Variants in FAM131B observed in about 807,000 individuals in gnomAD.
FAM131B encodes protein FAM131B.
A neutral mutation model predicts 42.0 loss-of-function variants in FAM131B; 19 were observed. The observed-to-expected ratio is 0.45, with a 90% confidence interval of 0.32 to 0.66. The LOEUF (loss-of-function observed/expected upper bound fraction) is 0.66, where lower values mean the gene tolerates loss of function less well. FAM131B is among the 30% of genes least tolerant of loss of function. The pLI is 0.05. For synonymous variants in FAM131B, 183 were observed against 177.6 expected (o/e 1.03, Z -0.24); for missense variants, 370 against 468.4 (o/e 0.79, Z 1.94).
chr7:143,375,956 G>A, the FAM131B span, among the ~76,000 whole-genome samples: 14 of 152,082 alleles, frequency 9.2e-5, no homozygotes, highest in Non-Finnish European at 1.6e-4. Context: ...CTGACTCCTC[G>A]CCATCTGACC....
the FAM131B span, among the ~76,000 whole-genome samples, chr7:143,370,850 T>A: frequency 6.6e-6 from 1 of 152,188 alleles, no homozygotes; most frequent in Non-Finnish European, 1.5e-5. Flanking sequence ...TTCCTTCTTG[T>A]GCGAGATCCA....
chr7:143,363,438 G>A (rs1291767925), upstream of FAM131B, among the ~76,000 whole-genome samples: 1 of 152,182 alleles, frequency 6.6e-6, no homozygotes, highest in Admixed American at 6.5e-5. Context: ...CTGGCTAGGA[G>A]ACATCGTCTT....
rs977551105 is a variant in FAM131B, at chr7:143,359,888, G to A, written c.139-121C>T. 24 of 1,060,254 alleles carry A rather than the reference G, an allele frequency of 2.3e-5. No individual in the cohort carries two copies. Among genetic ancestry groups the A allele is most frequent in the Non-Finnish European group, 3.1e-5 (22 of 704,076 alleles). 65.7% of individuals were successfully genotyped at this position (1,060,254 alleles called of 1,614,324 possible). ...TGGGGAGGGCTTTCCTGAGGTTGAT[G>A]CCGCTAACTGGGTTCTCCATGTGGA... On this transcript the variant is annotated intron_variant, in intron 2 of 6. Transcript: ENST00000443739. This position sits in a 1 kb window ranked among gnomAD's most constrained non-coding sequence, Gnocchi z 5.4.
chr7:143,364,948 T>C (rs1465571242), upstream of FAM131B, among the ~76,000 whole-genome samples: 1 of 152,178 alleles, frequency 6.6e-6, no homozygotes, highest in Non-Finnish European at 1.5e-5. Flanking sequence ...CCAGGAATAA[T>C]TGTAGGTACT....
the FAM131B span, chr7:143,380,064 G>A: frequency 2.0e-6 from 2 of 985,202 alleles, no homozygotes; most frequent in Non-Finnish European, 2.4e-6. The surrounding 1 kb of genome is among the most constrained non-coding windows in gnomAD (Gnocchi z 5.0). Flanking sequence ...TGGAGGGACT[G>A]GACACTCAGT....
chr7:143,358,430 G>A lies in FAM131B; in HGVS notation c.466+397C>T, dbSNP rs989652035. Among the ~76,000 whole-genome samples the A allele has an allele frequency of 2.0e-5, 3 of 152,162 alleles. No homozygotes were observed. The highest frequency in any genetic ancestry group is 2.9e-5 in the Non-Finnish European group (2 of 68,050). ...TTCTAGTGGTTGTCACAAGTAATGA[G>A]TCTAGTAGGCAAATTCATGACTCGA... On this transcript the variant is annotated intron_variant, in intron 5 of 6. Transcript: ENST00000443739. The surrounding 1 kb of genome is among the most constrained non-coding windows in gnomAD (Gnocchi z 4.7).
chr7:143,372,288 A>G, the FAM131B span, among the ~76,000 whole-genome samples: 18 of 152,358 alleles, frequency 1.2e-4, 1 homozygote, highest in Admixed American at 1.2e-3. Flanking sequence ...GGTTTTGCCA[A>G]GTGAGCACCA....
the FAM131B span, among the ~76,000 whole-genome samples, chr7:143,373,836 C>A: frequency 6.6e-6 from 1 of 152,094 alleles, no homozygotes; most frequent in African/African-American, 2.4e-5. Flanking sequence ...GGTCTCCAGG[C>A]GAGCAACTGT....
chr7:143,371,682 G>T, the FAM131B span, among the ~76,000 whole-genome samples: 4 of 151,874 alleles, frequency 2.6e-5, no homozygotes, highest in East Asian at 7.8e-4. Flanking sequence ...GAAAGGGCTG[G>T]TATATGTCAT....
At chr7:143,360,269 T>C in intron 1 of FAM131B, 120 bp from the exon 2 acceptor site, 1 of 1,492,244 alleles carries the variant, frequency 6.7e-7, no homozygotes, top group Non-Finnish European at 8.9e-7. Flanking sequence ...CTTATATCCC[T>C]GCACTCTCCA....
At chr7:143,372,412 G>A in the FAM131B span, among the ~76,000 whole-genome samples, 2 of 152,204 alleles carry the variant, frequency 1.3e-5, no homozygotes, top group Non-Finnish European at 2.9e-5. Context: ...GTGGGCCAAG[G>A]GATTGTCGAA....
chr7:143,371,147 C>T, the FAM131B span, among the ~76,000 whole-genome samples: 1 of 152,078 alleles, frequency 6.6e-6, no homozygotes, highest in African/African-American at 2.4e-5. Context: ...TATGTCAGTA[C>T]CTCTCTAGGT....
At chr7:143,381,825 G>T in the FAM131B span, 25 of 1,464,662 alleles carry the variant, frequency 1.7e-5, no homozygotes, top group South Asian at 2.7e-5. Flanking sequence ...GAGCCGGGGT[G>T]GGGGGCAGTC....
chr7:143,356,959 C>G lies in FAM131B; in HGVS notation c.674G>C (p.Cys225Ser). 6.2e-7 allele frequency: 1 copy of G among 1,614,048 alleles called. No individual in the cohort carries two copies. The highest frequency in any genetic ancestry group is 8.5e-7 in the Non-Finnish European group (1 of 1,180,014). ...TTCCCAGGCATCTGACGACCCCAGA[C>G]AGTACATACCCTGGGACACGTAAGA... ...PHSYVSQGMYCLGSSDAWEAS... is the reference protein window; with the variant it reads ...PHSYVSQGMYSLGSSDAWEAS... The change falls in exon 7 of 7, where the codon TGT becomes TCT. Residue 225 changes from cysteine (C) to serine (S), a missense_variant. By Grantham distance (112) the Cys-to-Ser change is moderately radical. Coordinates refer to ENST00000443739, the MANE Select transcript of FAM131B (RefSeq NM_001031690.3). The surrounding 1 kb of genome is among the most constrained non-coding windows in gnomAD (Gnocchi z 4.4).
the FAM131B span, among the ~76,000 whole-genome samples, chr7:143,371,700 T>A: frequency 6.6e-6 from 1 of 150,804 alleles, no homozygotes; most frequent in Non-Finnish European, 1.5e-5. Context: ...CATTCTAAAC[T>A]GGATGGTCAT....
At chr7:143,380,575 G>T in the FAM131B span, 12 of 985,262 alleles carry the variant, frequency 1.2e-5, no homozygotes, top group Non-Finnish European at 1.4e-5. This position sits in a 1 kb window ranked among gnomAD's most constrained non-coding sequence, Gnocchi z 5.0. Flanking sequence ...CTCCATTCCC[G>T]GCCCCGCGGA....
chr7:143,375,758 G>A, the FAM131B span, among the ~76,000 whole-genome samples: 2 of 152,130 alleles, frequency 1.3e-5, no homozygotes, highest in African/African-American at 4.8e-5. Flanking sequence ...TGACTTAGTC[G>A]GCTATTTTCA....
chr7:143,359,547 T>G lies in FAM131B; in HGVS notation c.175-128A>C. 1.1e-6 allele frequency: 1 copy of G among 937,988 alleles called. No individual in the cohort carries two copies. The highest frequency in any genetic ancestry group is 1.7e-6 in the Non-Finnish European group (1 of 586,178). 58.1% of individuals were successfully genotyped at this position (937,988 alleles called of 1,614,324 possible). On this transcript the variant is annotated intron_variant, in intron 3 of 6. Transcript: ENST00000443739. This position sits in a 1 kb window ranked among gnomAD's most constrained non-coding sequence, Gnocchi z 5.4. ...GGGCAGATGATAAGAAAAGCTACTA[T>G]ACCCAAGAGTCCCAAGGAGGGATAT... is the stretch of plus-strand genomic sequence containing the variant.
the FAM131B span, among the ~76,000 whole-genome samples, chr7:143,368,679 T>C: frequency 3.9e-5 from 6 of 152,210 alleles, no homozygotes; most frequent in African/African-American, 1.2e-4. Context: ...TATTACTACC[T>C]GTCAGACTTC....
Sources: allele counts gnomAD v4.1 joint callset (sites outside exome capture counted in the v4.1 genomes callset), GRCh38; gene constraint gnomAD v4.1.1; non-coding constraint Gnocchi (gnomAD v3.1); transcripts MANE v1.5; gene names NCBI Gene and HGNC (gene_info 2026-07-23, HGNC 2026-07-21).